Variants in ZNF618 observed in about 807,000 individuals in gnomAD.
The protein encoded by ZNF618 is zinc finger protein 618.
Under a neutral mutation model 103.0 loss-of-function variants are expected in ZNF618, and 34 were observed. The ratio of observed to expected loss-of-function variants is 0.33; its 90% CI spans 0.25 to 0.44. The LOEUF is 0.44. Among genes scored for constraint, ZNF618 ranks in the 20% least tolerant of loss-of-function variants. The pLI, the probability that ZNF618 is intolerant of heterozygous loss-of-function variation, is 1.00. For synonymous variants in ZNF618, 551 were observed against 542.2 expected (o/e 1.02, Z -0.23); for missense variants, 1,059 against 1,295.4 (o/e 0.82, Z 2.80).
chr9:113,996,160 C>T (rs763499548), intron 3 of ZNF618, among the ~76,000 whole-genome samples: 2 of 152,140 alleles, frequency 1.3e-5, no homozygotes, highest in Non-Finnish European at 2.9e-5. Flanking sequence ...CCCACTTGTC[C>T]ATGACTTCCC....
chr9:113,925,954 C>G (rs1311600173), intron 1 of ZNF618, among the ~76,000 whole-genome samples: 2 of 151,996 alleles, frequency 1.3e-5, no homozygotes, highest in Non-Finnish European at 2.9e-5. Flanking sequence ...TTATTTATTC[C>G]TTCTTTAACA....
rs553169136 is a variant in ZNF618 at position 113,946,305 on chromosome 9, C to T, written c.34-22812C>T. Among the ~76,000 whole-genome samples the T allele has an allele frequency of 1.3e-3, 198 of 150,336 alleles. 1 individual carries two copies. The highest frequency in any genetic ancestry group is 3.2e-3 in the South Asian group (15 of 4,754). Reference sequence around the variant, plus strand: ...GAGGGAAACTGAGTTTAAAGAGGGGCGGTGGCTTGCCTAGCCCAAGGTCAC... The same window carrying T: ...GAGGGAAACTGAGTTTAAAGAGGGGTGGTGGCTTGCCTAGCCCAAGGTCAC... On this transcript the variant is annotated intron_variant, in intron 1 of 14. Coordinates refer to ENST00000374126, the MANE Select transcript of ZNF618 (RefSeq NM_001318042.2).
At chr9:114,010,709 T>C (rs1002454275) in intron 9 of ZNF618, among the ~76,000 whole-genome samples, 7 of 152,172 alleles carry the variant, frequency 4.6e-5, no homozygotes, top group Non-Finnish European at 8.8e-5. Flanking sequence ...TCTCAAAAAA[T>C]AATTCCAAAG....
chr9:114,008,770 C>T (rs1423893420), intron 9 of ZNF618, among the ~76,000 whole-genome samples: 2 of 152,194 alleles, frequency 1.3e-5, no homozygotes, highest in South Asian at 4.1e-4. Context: ...TGAAGGCAGC[C>T]AGGCTGGGGC....
intron 1 of ZNF618, among the ~76,000 whole-genome samples, chr9:113,878,046 A>G (rs1211144765): frequency 6.8e-6 from 1 of 147,064 alleles, no homozygotes; most frequent in Non-Finnish European, 1.5e-5. Context: ...TTACTTAAAA[A>G]AAATTTAGAT....
chr9:114,027,538 C>T (rs1367847830), intron 10 of ZNF618, among the ~76,000 whole-genome samples: 1 of 152,026 alleles, frequency 6.6e-6, no homozygotes. Flanking sequence ...TTTCTTTTTG[C>T]CACTCAGTTC....
Position 113,881,922 on chromosome 9 carries a change from G to A in ZNF618, c.33+5509G>A, listed in dbSNP as rs1436795032. ...TGACAAATGATGGCTAGTAACTCCG[G>A]GATGATGTGTTGCAGCCTGTGAGCT... On this transcript the variant is annotated intron_variant, in intron 1 of 14. Transcript: ENST00000374126. Among the ~76,000 whole-genome samples the A allele has an allele frequency of 3.9e-5, 6 of 152,202 alleles. No homozygotes were observed. The South Asian group carries it at 1.0e-3, about 26-fold the overall frequency.
intron 1 of ZNF618, among the ~76,000 whole-genome samples, chr9:113,945,328 G>C (rs929861085): frequency 6.6e-6 from 1 of 152,194 alleles, no homozygotes; most frequent in African/African-American, 2.4e-5. Context: ...CTAGATTGTT[G>C]CCCCGTGGGA....
intron 5 of ZNF618, 120 bp downstream of exon 5, chr9:114,002,193 C>A: frequency 1.1e-6 from 1 of 871,660 alleles, no homozygotes; most frequent in Non-Finnish European, 1.9e-6. Flanking sequence ...CTTTCCCATT[C>A]TCCTCCTACT....
chr9:113,928,049 C>T (rs72749943), intron 1 of ZNF618, among the ~76,000 whole-genome samples: 3,113 of 152,324 alleles, frequency 0.02, 52 homozygotes, highest in Non-Finnish European at 0.034. Flanking sequence ...CATGGAGTGA[C>T]AGCCTCCAAG....
chr9:113,881,112 C>T (rs78819363), intron 1 of ZNF618, among the ~76,000 whole-genome samples: 3,793 of 152,300 alleles, frequency 0.025, 176 homozygotes, highest in African/African-American at 0.087. Flanking sequence ...GCAAGGTCTT[C>T]TTGCTGGAGA....
chr9:114,049,995 A>C lies in ZNF618; in HGVS notation c.2693A>C (p.Gln898Pro). Residue 898 changes from glutamine to proline, a missense_variant, in exon 15 of 15, where the codon CAA becomes CCA. Around this residue, in one of 6 missense-constraint regions of ZNF618, gnomAD observed 156 missense variants for 197.1 expected, o/e 0.79. Transcript: ENST00000374126. Reference protein sequence around the residue: ...DLFQYWSCVTQKHTKLAKLAF... With the variant: ...DLFQYWSCVTPKHTKLAKLAF... ...TTCCAGTACTGGTCGTGCGTTACCC[A>C]AAAGCACACAAAACTCGCCAAGCTC... 5 of 1,613,990 alleles carry C rather than the reference A, an allele frequency of 3.1e-6. No individual in the cohort carries two copies. Among genetic ancestry groups the C allele is most frequent in the Non-Finnish European group, 4.2e-6 (5 of 1,179,896 alleles).
At chr9:113,980,469 C>T (rs1838872823) in intron 2 of ZNF618, among the ~76,000 whole-genome samples, 1 of 152,046 alleles carries the variant, frequency 6.6e-6, no homozygotes, top group African/African-American at 2.4e-5. Flanking sequence ...TGTATAGTCC[C>T]AGCTACTTGG....
chr9:114,012,427 C>T (rs946618223), intron 9 of ZNF618, among the ~76,000 whole-genome samples: 2 of 152,176 alleles, frequency 1.3e-5, no homozygotes, highest in African/African-American at 4.8e-5. Flanking sequence ...GGACCCTACC[C>T]TTATGACCTC....
At chr9:113,886,714 G>A (rs950908265) in intron 1 of ZNF618, among the ~76,000 whole-genome samples, 1 of 151,882 alleles carries the variant, frequency 6.6e-6, no homozygotes, top group Non-Finnish European at 1.5e-5. Context: ...TTGTCAGAGG[G>A]GTCTAGAGCT....
chr9:113,960,601 A>G (rs1343340972), intron 1 of ZNF618, among the ~76,000 whole-genome samples: 2 of 152,338 alleles, frequency 1.3e-5, no homozygotes, highest in South Asian at 4.1e-4. Flanking sequence ...GGCTTGAGAA[A>G]GACATAAAAG....
intron 3 of ZNF618, among the ~76,000 whole-genome samples, chr9:113,988,878 C>G (rs370283183): frequency 2.6e-5 from 4 of 152,346 alleles, no homozygotes; most frequent in East Asian, 3.9e-4. Flanking sequence ...TTGTCTGTCT[C>G]AGGGCTCCCA....
At chr9:114,005,121 A>G (rs1478359187) in intron 6 of ZNF618, among the ~76,000 whole-genome samples, 1 of 152,126 alleles carries the variant, frequency 6.6e-6, no homozygotes, top group Non-Finnish European at 1.5e-5. Flanking sequence ...CATTTTACAG[A>G]TGAGGAAACC....
chr9:113,966,004 C>T (rs1837373680), intron 1 of ZNF618, among the ~76,000 whole-genome samples: 1 of 152,158 alleles, frequency 6.6e-6, no homozygotes, highest in South Asian at 2.1e-4. Context: ...ACCCATGGTC[C>T]ACCCCAGGCT....
Sources: allele counts gnomAD v4.1 joint callset (sites outside exome capture counted in the v4.1 genomes callset), GRCh38; gene constraint gnomAD v4.1.1; regional missense constraint gnomAD v4.1.1; transcripts MANE v1.5; gene names NCBI Gene and HGNC (gene_info 2026-07-23, HGNC 2026-07-21).